Variants in CD200 observed in about 807,000 individuals in gnomAD.
CD200 encodes CD200 molecule, also known as OX-2 membrane glycoprotein.
CD200 carries 15 observed loss-of-function variants against 30.9 expected under a neutral mutation model. The observed-to-expected ratio is 0.49, with a 90% CI of 0.32 to 0.75. The LOEUF (loss-of-function observed/expected upper bound fraction) is 0.75. CD200 is among the 30% of genes least tolerant of loss of function. The pLI, the probability that CD200 is intolerant of heterozygous loss-of-function variation, is 0.03. For missense variants in CD200, 262 were observed against 324.2 expected (o/e 0.81, Z 1.47); for synonymous variants, 134 against 126.2 (o/e 1.06, Z -0.41).
intron 1 of CD200, among the ~76,000 whole-genome samples, chr3:112,337,454 G>A (rs1382899817): frequency 1.3e-5 from 2 of 152,132 alleles, no homozygotes; most frequent in Non-Finnish European, 2.9e-5. Flanking sequence ...AGTAGAAAAG[G>A]CTAGCTGGCA....
At chr3:112,351,394 T>G (rs956443508) in intron 5 of CD200, among the ~76,000 whole-genome samples, 1 of 152,196 alleles carries the variant, frequency 6.6e-6, no homozygotes, top group Admixed American at 6.5e-5. Context: ...TGGGCAAAAG[T>G]TTTATAATGC....
chr3:112,357,230 C>T (rs1326464595), intron 5 of CD200, among the ~76,000 whole-genome samples: 1 of 137,168 alleles, frequency 7.3e-6, no homozygotes, highest in Non-Finnish European at 1.5e-5. Context: ...CACTGCACTC[C>T]AGCCTGGGGG....
intron 2 of CD200, among the ~76,000 whole-genome samples, chr3:112,342,357 CT>C (rs2081275420): frequency 1.4e-4 from 2 of 14,124 alleles, no homozygotes; most frequent in African/African-American, 5.5e-4. Flanking sequence ...TTCTTTCTTT[CT>C]TTCTTTCTTT....
At chr3:112,360,964 T>C (rs1485613204) in intron 5 of CD200, among the ~76,000 whole-genome samples, 1 of 152,250 alleles carries the variant, frequency 6.6e-6, no homozygotes, top group Admixed American at 6.5e-5. Flanking sequence ...GGTGATTTTC[T>C]AAACCATTAT....
At chr3:112,359,251 AAAAACAG>A (rs1009731842) in intron 5 of CD200, among the ~76,000 whole-genome samples, 30 of 152,234 alleles carry the variant, frequency 2.0e-4, no homozygotes, top group African/African-American at 7.0e-4. Context: ...TTTTTTTAAA[AAAAACAG>A]ACAAACAACA....
intron 5 of CD200, among the ~76,000 whole-genome samples, chr3:112,357,491 C>T (rs528479389): frequency 2.6e-5 from 4 of 152,248 alleles, no homozygotes; most frequent in Non-Finnish European, 5.9e-5. Flanking sequence ...AAGTTTGTAA[C>T]AGATGTTCAT....
At chr3:112,346,770 TA>T (rs2081405089) in intron 3 of CD200, among the ~76,000 whole-genome samples, 1 of 152,196 alleles carries the variant, frequency 6.6e-6, no homozygotes, top group East Asian at 1.9e-4. Context: ...AAGACAAGTT[TA>T]CATCTGCTTA....
In CD200 at chr3:112,347,705, A is replaced by G; in HGVS notation, c.569A>G (p.Asn190Ser). 6.2e-7 allele frequency: 1 copy of G among 1,613,972 alleles called. No homozygotes were observed. Among genetic ancestry groups the G allele is most frequent in the Non-Finnish European group, 8.5e-7 (1 of 1,179,922 alleles). Residue 190 changes from asparagine to serine, a missense_variant, in exon 4 of 6, where the codon AAT (asparagine) becomes AGT (serine). Asn to Ser is a conservative substitution (Grantham distance 46). Coordinates refer to ENST00000315711, the MANE Select transcript of CD200 (RefSeq NM_005944.7). Reference protein sequence around the residue: ...ENSTVTLSHPNGTTSVTSILH... With the variant: ...ENSTVTLSHPSGTTSVTSILH... ...AGTACAGTGACTCTGTCTCACCCAA[A>G]TGGGACCACGTCTGTTACCAGCATC... is the stretch of plus-strand genomic sequence containing the variant.
At chr3:112,350,477 C>A (rs1396270527) in intron 5 of CD200, among the ~76,000 whole-genome samples, 2 of 152,066 alleles carry the variant, frequency 1.3e-5, no homozygotes, top group Admixed American at 1.3e-4. Flanking sequence ...AAATTCAGTA[C>A]CTCATAAACG....
At chr3:112,347,322 T>TA (rs1433762818) in intron 3 of CD200, among the ~76,000 whole-genome samples, 1 of 152,156 alleles carries the variant, frequency 6.6e-6, no homozygotes, top group African/African-American at 2.4e-5. Flanking sequence ...TACAGACAAA[T>TA]TACAGAAAGG....
rs189605912 is a variant in CD200, at chr3:112,338,912, T to G, written c.13-1990T>G. ...ACCAGACTGCCTGGGCTTAAATCCCTTCTCTGTCACTTCACAGCTGTGTGA... is the reference window on the plus strand; with the variant it reads ...ACCAGACTGCCTGGGCTTAAATCCCGTCTCTGTCACTTCACAGCTGTGTGA... On this transcript the variant is annotated intron_variant, in intron 1 of 5. Transcript: ENST00000315711. 5.0e-3 allele frequency among the ~76,000 whole-genome samples: 762 copies of G among 152,350 alleles called. 8 individuals are homozygous for G. The highest frequency in any genetic ancestry group is 4.4e-3 in the Non-Finnish European group (298 of 68,028).
In CD200 at chr3:112,333,175, C is replaced by G; in HGVS notation, c.-38C>G. ...CCTAGCAGAGCTCCAGGCGCACATC[C>G]GCAGTCAGCCACCTCGCGCGCGCCT... On this transcript the variant is annotated 5_prime_UTR_variant, in exon 1 of 6. Transcript: ENST00000315711. The G allele has an allele frequency of 6.5e-7, 1 of 1,548,910 alleles. No individual in the cohort carries two copies. Among genetic ancestry groups the G allele is most frequent in the Non-Finnish European group, 8.7e-7 (1 of 1,146,590 alleles).
intron 3 of CD200, among the ~76,000 whole-genome samples, chr3:112,346,949 T>G (rs1016437734): frequency 6.6e-6 from 1 of 152,256 alleles, no homozygotes; most frequent in African/African-American, 2.4e-5. Context: ...TTCTTAATTT[T>G]TATGGTTATT....
intron 4 of CD200, among the ~76,000 whole-genome samples, chr3:112,348,373 G>A (rs2081451797): frequency 6.6e-6 from 1 of 152,192 alleles, no homozygotes; most frequent in African/African-American, 2.4e-5. Flanking sequence ...CTGTGAGAAA[G>A]GGACCTATCT....
At chr3:112,333,495 G>A (rs933611416) in intron 1 of CD200, 1 of 985,438 alleles carries the variant, frequency 1.0e-6, no homozygotes, top group Non-Finnish European at 1.2e-6. Context: ...GCACCAGGCC[G>A]GGGCTCCGGG....
In CD200 at chr3:112,347,820, C is replaced by G; in HGVS notation, c.684C>G (p.Thr228=). The G allele has an allele frequency of 1.9e-6, 3 of 1,612,922 alleles. No homozygotes were observed. The highest frequency in any genetic ancestry group is 8.5e-7 in the Non-Finnish European group (1 of 1,179,566). ...GGACTGTGACCGACTTTAAGCAAACCGTCAACAAAGGTAAGAGAAAGTGAG... is the reference window on the plus strand; with the variant it reads ...GGACTGTGACCGACTTTAAGCAAACGGTCAACAAAGGTAAGAGAAAGTGAG... ...HLGTVTDFKQ[T]VNKGYWFSVP... Residue 228 remains threonine (T), a synonymous_variant, in exon 4 of 6, where the codon ACC becomes ACG. Coordinates refer to ENST00000315711, the MANE Select transcript of CD200 (RefSeq NM_005944.7).
intron 5 of CD200, among the ~76,000 whole-genome samples, chr3:112,359,135 G>C (rs1457096918): frequency 6.6e-6 from 1 of 152,124 alleles, no homozygotes; most frequent in Non-Finnish European, 1.5e-5. Context: ...AGGCGATGGA[G>C]GGAGAAAGAT....
In CD200 at chr3:112,342,349, CTTTCTTTCTTTCTTTCTTTCTTTCTTTCT is replaced by C. The variant is rs2081273643; in HGVS notation, c.94+1369_94+1397del. 8.0e-3 allele frequency among the ~76,000 whole-genome samples: 303 copies of C among 37,776 alleles called. 14 individuals are homozygous for C. The highest frequency in any genetic ancestry group is 0.013 in the East Asian group (22 of 1,642). The allele number at this position is 37,776 out of a possible 152,430, so 24.8% of individuals were successfully genotyped here. A position where few individuals can be genotyped will look rare whatever the true frequency, so the allele number is the denominator to read the frequency against. On this transcript the variant is annotated intron_variant, in intron 2 of 5. Coordinates refer to ENST00000315711, the MANE Select transcript of CD200 (RefSeq NM_005944.7). ...TCTTTCTTTCTTTCCTTCTTTCTTT[CTTTCTTTCTTTCTTTCTTTCTTTCTTTCT>C]TTCTTTCTTTCTTTCTTTCTTTCTT...
At chr3:112,358,652 C>G (rs939203887) in intron 5 of CD200, among the ~76,000 whole-genome samples, 1 of 152,122 alleles carries the variant, frequency 6.6e-6, no homozygotes, top group Non-Finnish European at 1.5e-5. Flanking sequence ...TAAACTGCCG[C>G]ATGTCAGGAA....
Sources: gnomAD v4.1 joint callset for allele counts (sites outside exome capture counted in the v4.1 genomes callset) on GRCh38, gnomAD v4.1.1 for gene constraint, MANE v1.5 for transcripts, NCBI Gene and HGNC (gene_info 2026-07-23, HGNC 2026-07-21) for gene names.